The following MORC1 variants were observed in gnomAD, a reference collection of about 807,000 sequenced individuals.
MORC1 encodes MORC family CW-type zinc finger protein 1.
A neutral mutation model predicts 134.9 loss-of-function variants in MORC1; 59 were observed. That is an observed-to-expected ratio of 0.44 (90% CI 0.35 to 0.54). The LOEUF (loss-of-function observed/expected upper bound fraction) is 0.54. MORC1 is among the 20% of genes least tolerant of loss of function. The pLI is 0.00. For synonymous variants in MORC1, 395 were observed against 391.7 expected (o/e 1.01, Z -0.10); for missense variants, 947 against 1,134.5 (o/e 0.83, Z 2.37).
chr3:109,094,617 T>C (rs775115352), intron 7 of MORC1, among the ~76,000 whole-genome samples: 1 of 152,196 alleles, frequency 6.6e-6, no homozygotes, highest in Non-Finnish European at 1.5e-5. Context: ...AACTTTGCTA[T>C]CTAGTGCAGC....
intron 10 of MORC1, 24 bp downstream of exon 10, chr3:109,063,127 AT>A: frequency 1.3e-6 from 2 of 1,507,532 alleles, no homozygotes; most frequent in Non-Finnish European, 1.8e-6. Context: ...AACAACAATG[AT>A]GTAGGCTACA....
intron 1 of MORC1, among the ~76,000 whole-genome samples, chr3:109,115,115 C>T (rs1427639459): frequency 1.3e-5 from 2 of 152,202 alleles, no homozygotes; most frequent in East Asian, 3.8e-4. Flanking sequence ...ATGCTTGCTT[C>T]TCATGTCCTG....
rs556600896 is a variant in MORC1 at position 109,032,204 on chromosome 3, T to C, written c.1565+516A>G. Among the ~76,000 whole-genome samples, 188 of 152,316 alleles carry C rather than the reference T, an allele frequency of 1.2e-3. 3 individuals are homozygous for C. The South Asian group carries it at 0.034, about 28-fold the overall frequency. On this transcript the variant is annotated intron_variant, in intron 16 of 27. Transcript: ENST00000232603. ...AGGGGAATACTAACCATTTTCCCTA[T>C]GGGGGAAAATATTAGTCTAAAAGGG...
intron 8 of MORC1, among the ~76,000 whole-genome samples, chr3:109,079,596 A>G (rs993106941): frequency 2.0e-5 from 3 of 152,162 alleles, no homozygotes; most frequent in African/African-American, 7.2e-5. Flanking sequence ...CCATTAAGAC[A>G]AAAACAAAGC....
chr3:108,961,514 T>G (rs1470761867), intron 27 of MORC1, among the ~76,000 whole-genome samples: 3 of 152,086 alleles, frequency 2.0e-5, no homozygotes, highest in Non-Finnish European at 2.9e-5. Context: ...CTTCTTCATG[T>G]GCCTGCCCCA....
chr3:109,084,923 C>T (rs184178849), intron 8 of MORC1, among the ~76,000 whole-genome samples: 35 of 152,058 alleles, frequency 2.3e-4, no homozygotes, highest in Admixed American at 2.0e-3. Context: ...ACAAACGGTG[C>T]GGGGAAAATT....
At position 108,969,705 on chromosome 3, in the gene MORC1, C is replaced by T; in HGVS notation, c.2568G>A (p.Glu856=). The T allele has an allele frequency of 6.2e-7, 1 of 1,613,832 alleles. No individual in the cohort carries two copies. The highest frequency in any genetic ancestry group is 8.5e-7 in the Non-Finnish European group (1 of 1,179,824). Residue 856 remains glutamate (E), a synonymous_variant, in exon 26 of 28, where the codon GAG becomes GAA. Coordinates refer to ENST00000232603, the MANE Select transcript of MORC1 (RefSeq NM_014429.4). Reference sequence around the variant, plus strand: ...ACATTTTCAGCTTTTTGTTCATCTGCTCTGGGCACTGCTCCAGCTGTTTTC... The same window carrying T: ...ACATTTTCAGCTTTTTGTTCATCTGTTCTGGGCACTGCTCCAGCTGTTTTC... ...ALSCELEQCP[E]QMNKKLKMCF...
intron 21 of MORC1, among the ~76,000 whole-genome samples, chr3:108,998,419 T>C (rs1454630033): frequency 1.3e-5 from 2 of 152,182 alleles, no homozygotes; most frequent in Non-Finnish European, 2.9e-5. Context: ...ACCAGTAAAC[T>C]TGCCAAAATA....
chr3:109,033,854 C>T (rs1228486736), intron 15 of MORC1, among the ~76,000 whole-genome samples: 3 of 152,126 alleles, frequency 2.0e-5, no homozygotes, highest in Non-Finnish European at 4.4e-5. Context: ...AATGTAGCTA[C>T]AAGTACTAAT....
At chr3:108,973,898 T>C (rs1330571646) in intron 24 of MORC1, among the ~76,000 whole-genome samples, 1 of 152,144 alleles carries the variant, frequency 6.6e-6, no homozygotes, top group Non-Finnish European at 1.5e-5. Flanking sequence ...ACCCGGCCAA[T>C]CCAACTATTC....
At chr3:109,067,433 T>A (rs1950222722) in intron 9 of MORC1, among the ~76,000 whole-genome samples, 1 of 152,184 alleles carries the variant, frequency 6.6e-6, no homozygotes, top group Admixed American at 6.5e-5. Context: ...ACATCTTGGG[T>A]GGGAGTCCCT....
At chr3:108,984,574 C>A (rs1426642235) in intron 23 of MORC1, 142 bp downstream of exon 23, 5 of 588,822 alleles carry the variant, frequency 8.5e-6, no homozygotes, top group East Asian at 3.3e-5. Flanking sequence ...AATTCTTTCA[C>A]ATCTCTGTTG....
intron 17 of MORC1, among the ~76,000 whole-genome samples, chr3:109,022,653 A>T (rs1043095006): frequency 6.6e-6 from 1 of 152,224 alleles, no homozygotes; most frequent in Non-Finnish European, 1.5e-5. Flanking sequence ...GTATAAGAAC[A>T]TTTTGGTCTT....
chr3:108,986,785 A>G, intron 22 of MORC1, 95 bp downstream of exon 22: 1 of 857,168 alleles, frequency 1.2e-6, no homozygotes, highest in Non-Finnish European at 1.7e-6. Context: ...TTGCTGACAA[A>G]CTTCTGATCT....
At chr3:109,062,186 G>A (rs919016186) in intron 10 of MORC1, 128 bp from the exon 11 acceptor site, 2 of 776,484 alleles carry the variant, frequency 2.6e-6, no homozygotes, top group Admixed American at 2.3e-5. Context: ...AAAACCCTAT[G>A]TTCCTCTTAT....
chr3:109,091,435 C>T (rs1002452795), intron 8 of MORC1, among the ~76,000 whole-genome samples: 1 of 106,306 alleles, frequency 9.4e-6, no homozygotes, highest in Non-Finnish European at 2.0e-5. Context: ...CAGGGTGAGA[C>T]TCCATCTAAA....
At chr3:109,117,560 T>G (rs1421084918) in intron 1 of MORC1, among the ~76,000 whole-genome samples, 1 of 152,156 alleles carries the variant, frequency 6.6e-6, no homozygotes, top group Non-Finnish European at 1.5e-5. Flanking sequence ...AAAGGTGAGA[T>G]TCCTATCCTT....
intron 7 of MORC1, among the ~76,000 whole-genome samples, chr3:109,094,080 C>T (rs1950781860): frequency 3.3e-5 from 5 of 152,186 alleles, no homozygotes; most frequent in Admixed American, 3.3e-4. Context: ...AGCTCTGCCA[C>T]TGAAGCATGA....
intron 20 of MORC1, among the ~76,000 whole-genome samples, chr3:109,003,535 A>G (rs1948461604): frequency 2.0e-5 from 3 of 152,130 alleles, no homozygotes; most frequent in South Asian, 2.1e-4. Context: ...AGCATGCAAC[A>G]TATCTATACA....
Sources: allele counts gnomAD v4.1 joint callset (sites outside exome capture counted in the v4.1 genomes callset), GRCh38; gene constraint gnomAD v4.1.1; transcripts MANE v1.5; gene names NCBI Gene and HGNC (gene_info 2026-07-23, HGNC 2026-07-21).